Variants in ARHGAP10 observed in about 807,000 individuals in gnomAD.
ARHGAP10 encodes rho GTPase-activating protein 10.
ARHGAP10 carries 87 observed loss-of-function variants against 108.6 expected under a neutral mutation model. The ratio of observed to expected loss-of-function variants is 0.80; its 90% CI spans 0.67 to 0.96. The LOEUF (loss-of-function observed/expected upper bound fraction) is 0.96. Among genes scored for constraint, ARHGAP10 ranks in the 40% least tolerant of loss-of-function variants. The pLI, the probability that ARHGAP10 is intolerant of heterozygous loss-of-function variation, is 0.00. For missense variants in ARHGAP10, 939 were observed against 954.5 expected, an observed-to-expected ratio of 0.98 and a Z score of 0.21; for synonymous variants, 347 against 341.1, an observed-to-expected ratio of 1.02 and a Z score of -0.19.
At position 147,866,819 on chromosome 4, in the gene ARHGAP10, A is replaced by G; in HGVS notation, c.702+3A>G. On this transcript the variant is annotated splice_donor_region_variant and intron_variant, in intron 7 of 22. Coordinates refer to ENST00000336498, the MANE Select transcript of ARHGAP10 (RefSeq NM_024605.4). ...AACTACAGATCAACATTCAGAATGT[A>G]AGGAAGTGAAAGCTTTCTTTATAAA... is the stretch of plus-strand genomic sequence containing the variant. 1.9e-6 allele frequency: 3 copies of G among 1,576,800 alleles called. No individual in the cohort carries two copies. The highest frequency in any genetic ancestry group is 1.7e-6 in the Non-Finnish European group (2 of 1,152,432).
chr4:148,031,014 A>G (rs1050353124), intron 19 of ARHGAP10, among the ~76,000 whole-genome samples: 3 of 152,142 alleles, frequency 2.0e-5, no homozygotes, highest in Admixed American at 1.3e-4. Flanking sequence ...AGCCGTGATT[A>G]TACCACTGCA....
chr4:147,975,059 T>C (rs1739540159), intron 18 of ARHGAP10, among the ~76,000 whole-genome samples: 1 of 152,222 alleles, frequency 6.6e-6, no homozygotes, highest in Non-Finnish European at 1.5e-5. Flanking sequence ...TCATAGCCTT[T>C]ATGTATTACA....
chr4:147,955,380 T>G lies in ARHGAP10; in HGVS notation c.1450+6T>G. The G allele has an allele frequency of 6.2e-7, 1 of 1,609,198 alleles. No homozygotes were observed. Among genetic ancestry groups the G allele is most frequent in the Middle Eastern group, 1.7e-4 (1 of 6,046 alleles). ...AGATTTCATTGTTCCAGCCAGTAAG[T>G]ATTATGTAAAGGTATATAGGAACAG... On this transcript the variant is annotated splice_donor_region_variant and intron_variant, in intron 16 of 22. Coordinates refer to ENST00000336498, the MANE Select transcript of ARHGAP10 (RefSeq NM_024605.4).
At chr4:148,050,231 A>G (rs557489551) in intron 20 of ARHGAP10, among the ~76,000 whole-genome samples, 76 of 152,202 alleles carry the variant, frequency 5.0e-4, no homozygotes, top group African/African-American at 1.8e-3. Flanking sequence ...TATTGATGTA[A>G]TTATTAGTGA....
At chr4:147,884,714 G>C (rs935382111) in intron 10 of ARHGAP10, among the ~76,000 whole-genome samples, 8 of 152,188 alleles carry the variant, frequency 5.3e-5, no homozygotes, top group Admixed American at 2.0e-4. Flanking sequence ...GCCAGGTAGA[G>C]TGAGTGTCAC....
intron 1 of ARHGAP10, among the ~76,000 whole-genome samples, chr4:147,749,353 A>T (rs539497519): frequency 6.6e-6 from 1 of 152,238 alleles, no homozygotes; most frequent in Non-Finnish European, 1.5e-5. Flanking sequence ...GAAAATATTT[A>T]AAGAATTAAA....
chr4:147,826,140 T>C (rs982096686), intron 3 of ARHGAP10, among the ~76,000 whole-genome samples: 1 of 152,202 alleles, frequency 6.6e-6, no homozygotes, highest in Non-Finnish European at 1.5e-5. Flanking sequence ...AGCAGAGTGG[T>C]GCTGGATTTT....
chr4:147,837,766 G>T (rs1675274577), intron 3 of ARHGAP10, among the ~76,000 whole-genome samples: 1 of 149,136 alleles, frequency 6.7e-6, no homozygotes, highest in South Asian at 2.1e-4. Flanking sequence ...GTCATTTTTG[G>T]CTTTTATGGT....
At chr4:147,753,498 C>T (rs7669809) in intron 1 of ARHGAP10, among the ~76,000 whole-genome samples, 11 of 150,842 alleles carry the variant, frequency 7.3e-5, no homozygotes, top group South Asian at 2.1e-4. Flanking sequence ...TGTGCACCAC[C>T]GTACCTGGCT....
rs575529592 is a variant in ARHGAP10 at position 147,894,164 on chromosome 4, G to C, written c.1034+12232G>C. Among the ~76,000 whole-genome samples, 18 of 152,216 alleles carry C rather than the reference G, an allele frequency of 1.2e-4. 1 individual carries two copies. The highest frequency in any genetic ancestry group is 4.3e-4 in the African/African-American group (18 of 41,544). On this transcript the variant is annotated intron_variant, in intron 10 of 22. Coordinates refer to ENST00000336498, the MANE Select transcript of ARHGAP10 (RefSeq NM_024605.4). ...TTGGGTGTGGGAATTGCTGGGGTAT[G>C]GTATATGTATGTTTGACTTCTCAGG...
chr4:148,070,767 G>A (rs917347855), intron 22 of ARHGAP10, among the ~76,000 whole-genome samples: 1 of 152,114 alleles, frequency 6.6e-6, no homozygotes, highest in East Asian at 1.9e-4. Flanking sequence ...GCCACCTTTC[G>A]AGTTGGTCCG....
chr4:148,021,508 T>A (rs1008260127), intron 18 of ARHGAP10, among the ~76,000 whole-genome samples: 1 of 152,246 alleles, frequency 6.6e-6, no homozygotes, highest in Admixed American at 6.5e-5. Flanking sequence ...TCTGCCATAT[T>A]TGTAAACATC....
At chr4:148,021,667 AC>A (rs912791365) in intron 18 of ARHGAP10, among the ~76,000 whole-genome samples, 1 of 152,032 alleles carries the variant, frequency 6.6e-6, no homozygotes, top group African/African-American at 2.4e-5. Flanking sequence ...TGTTCCCACC[AC>A]CCCACAACCT....
At chr4:147,794,838 G>A (rs995110736) in intron 1 of ARHGAP10, among the ~76,000 whole-genome samples, 1 of 152,040 alleles carries the variant, frequency 6.6e-6, no homozygotes, top group Admixed American at 6.6e-5. Flanking sequence ...ATGTTCTTGT[G>A]GTGTTCTATC....
chr4:148,007,355 A>AG (rs1353135898), intron 18 of ARHGAP10, among the ~76,000 whole-genome samples: 1 of 152,246 alleles, frequency 6.6e-6, no homozygotes, highest in African/African-American at 2.4e-5. Flanking sequence ...GGATGTCATC[A>AG]GGGAAGGAAG....
chr4:147,982,104 T>G (rs1294531876), intron 18 of ARHGAP10, among the ~76,000 whole-genome samples: 1 of 152,116 alleles, frequency 6.6e-6, no homozygotes, highest in Non-Finnish European at 1.5e-5. Flanking sequence ...GTGGTATGAG[T>G]ATGGGTCACT....
chr4:148,007,914 G>A (rs940666794), intron 18 of ARHGAP10, among the ~76,000 whole-genome samples: 15 of 152,230 alleles, frequency 9.9e-5, no homozygotes, highest in African/African-American at 2.6e-4. Flanking sequence ...AGACACTTCC[G>A]TTTCTCAGTA....
chr4:147,806,689 AC>A (rs1368388932), intron 1 of ARHGAP10, among the ~76,000 whole-genome samples: 1 of 152,146 alleles, frequency 6.6e-6, no homozygotes, highest in African/African-American at 2.4e-5. Context: ...CCTGTGACAA[AC>A]CCTTCAGGCG....
chr4:147,856,556 A>G (rs1734088928), intron 4 of ARHGAP10, among the ~76,000 whole-genome samples: 1 of 152,248 alleles, frequency 6.6e-6, no homozygotes, highest in African/African-American at 2.4e-5. Context: ...TATTTCATGT[A>G]CAAAATTATT....
Sources: gnomAD v4.1 joint callset for allele counts (sites outside exome capture counted in the v4.1 genomes callset) on GRCh38, gnomAD v4.1.1 for gene constraint, MANE v1.5 for transcripts, NCBI Gene and HGNC (gene_info 2026-07-23, HGNC 2026-07-21) for gene names.